Variants in SLC35F4 observed in about 807,000 individuals in gnomAD.
The protein encoded by SLC35F4 is chromosome 14 open reading frame 36.
SLC35F4 carries 24 observed loss-of-function variants against 44.2 expected under a neutral mutation model. The ratio of observed to expected loss-of-function variants is 0.54; its 90% CI spans 0.39 to 0.76. The LOEUF is 0.76. Among genes scored for constraint, SLC35F4 ranks in the 30% least tolerant of loss-of-function variants. The pLI is 0.00. For missense variants in SLC35F4, 562 were observed against 586.1 expected (o/e 0.96, Z 0.42); for synonymous variants, 238 against 223.6 (o/e 1.06, Z -0.57).
chr14:57,642,209 T>C lies in SLC35F4; in HGVS notation c.104-48085A>G, dbSNP rs567322742. On this transcript the variant is annotated intron_variant, in intron 1 of 7. Coordinates refer to ENST00000556826, the MANE Select transcript of SLC35F4 (RefSeq NM_001306087.2). Reference sequence around the variant, plus strand: ...TAACCTTATCTAGACAAACTCCTAATTAACCGTGGTTGCAATCACCATTTC... The same window carrying C: ...TAACCTTATCTAGACAAACTCCTAACTAACCGTGGTTGCAATCACCATTTC... Among the ~76,000 whole-genome samples the C allele has an allele frequency of 2.0e-5, 3 of 152,092 alleles. No homozygotes were observed. The East Asian group carries it at 5.8e-4, about 29-fold the overall frequency.
At chr14:57,756,734 A>T (rs1272197331) in intron 1 of SLC35F4, among the ~76,000 whole-genome samples, 1 of 152,030 alleles carries the variant, frequency 6.6e-6, no homozygotes, top group Admixed American at 6.6e-5. Context: ...GGCTCCCTGC[A>T]GCCTTGACCT....
intron 1 of SLC35F4, among the ~76,000 whole-genome samples, chr14:57,756,947 T>A (rs1448861766): frequency 6.6e-6 from 1 of 152,046 alleles, no homozygotes; most frequent in Non-Finnish European, 1.5e-5. Context: ...CAGGCATGAG[T>A]CACCATACTC....
At chr14:57,737,594 G>T (rs1298393866) in intron 1 of SLC35F4, among the ~76,000 whole-genome samples, 1 of 152,192 alleles carries the variant, frequency 6.6e-6, no homozygotes, top group Non-Finnish European at 1.5e-5. Flanking sequence ...GTGGACGTAA[G>T]TACTCACCAA....
intron 1 of SLC35F4, among the ~76,000 whole-genome samples, chr14:57,880,153 C>T (rs1888502509): frequency 6.6e-6 from 1 of 152,010 alleles, no homozygotes; most frequent in African/African-American, 2.4e-5. Context: ...ACAGTTTCTA[C>T]AGTTTCCTCA....
chr14:57,797,209 A>G (rs1956696), intron 1 of SLC35F4, among the ~76,000 whole-genome samples: 76,241 of 152,078 alleles, frequency 0.5, 22,497 homozygotes, highest in African/African-American at 0.81. Context: ...CCCATGTTCC[A>G]TCACCTCTGC....
chr14:57,614,038 G>A (rs2071665296), intron 1 of SLC35F4, among the ~76,000 whole-genome samples: 1 of 152,188 alleles, frequency 6.6e-6, no homozygotes, highest in African/African-American at 2.4e-5. Context: ...ACCATAGGCA[G>A]TTTCTGACTT....
intron 2 of SLC35F4, among the ~76,000 whole-genome samples, chr14:57,591,279 G>A (rs2070163224): frequency 6.9e-6 from 1 of 145,358 alleles, no homozygotes; most frequent in Admixed American, 7.3e-5. Flanking sequence ...TGCCAGACAA[G>A]TACTTGTTGA....
chr14:57,951,849 T>G (rs1263444929), intron 1 of SLC35F4, among the ~76,000 whole-genome samples: 1 of 152,174 alleles, frequency 6.6e-6, no homozygotes, highest in East Asian at 1.9e-4. Context: ...GAGGCGGCTA[T>G]GGGCACAGCT....
chr14:57,666,475 A>T (rs563975371), intron 1 of SLC35F4, among the ~76,000 whole-genome samples: 3 of 152,184 alleles, frequency 2.0e-5, no homozygotes, highest in Admixed American at 6.5e-5. Flanking sequence ...TGAGTTGGGA[A>T]AAGAGTTCTT....
At chr14:57,579,160 A>G (rs2069043255) in intron 4 of SLC35F4, among the ~76,000 whole-genome samples, 1 of 152,208 alleles carries the variant, frequency 6.6e-6, no homozygotes, top group Non-Finnish European at 1.5e-5. Context: ...AGATAATCCA[A>G]TATGATGTCC....
intron 1 of SLC35F4, among the ~76,000 whole-genome samples, chr14:57,615,046 G>T (rs2071729026): frequency 1.3e-5 from 2 of 152,188 alleles, no homozygotes; most frequent in South Asian, 4.1e-4. Context: ...GAAAATTTCA[G>T]TCTAAACTTT....
intron 1 of SLC35F4, among the ~76,000 whole-genome samples, chr14:57,952,507 T>A (rs1201120420): frequency 6.6e-6 from 1 of 152,044 alleles, no homozygotes; most frequent in East Asian, 1.9e-4. Context: ...AAGGAGCATG[T>A]TCTAACCCAT....
intron 1 of SLC35F4, among the ~76,000 whole-genome samples, chr14:57,738,145 T>C (rs922412396): frequency 4.6e-5 from 7 of 152,176 alleles, no homozygotes; most frequent in African/African-American, 1.7e-4. Context: ...ATCTCAGAGA[T>C]CATTAGGATT....
upstream of SLC35F4, among the ~76,000 whole-genome samples, chr14:57,982,547 C>T (rs915939527): frequency 6.6e-6 from 1 of 151,896 alleles, no homozygotes; most frequent in Non-Finnish European, 1.5e-5. Flanking sequence ...TGAGCAGAAG[C>T]AAAGGGCAGC....
intron 1 of SLC35F4, among the ~76,000 whole-genome samples, chr14:57,613,221 C>T (rs561721627): frequency 1.2e-3 from 185 of 152,292 alleles, no homozygotes; most frequent in Non-Finnish European, 1.3e-3. Context: ...GTCTGATTAG[C>T]AGGTGCATGG....
intron 1 of SLC35F4, among the ~76,000 whole-genome samples, chr14:57,872,307 T>G (rs1382679443): frequency 6.6e-6 from 1 of 152,142 alleles, no homozygotes; most frequent in Non-Finnish European, 1.5e-5. Flanking sequence ...TGCCCTGAAA[T>G]AATACAGAGG....
chr14:57,640,688 C>A (rs1314980714), intron 1 of SLC35F4, among the ~76,000 whole-genome samples: 2 of 152,054 alleles, frequency 1.3e-5, no homozygotes, highest in East Asian at 3.9e-4. Context: ...CAAGTATAGT[C>A]ACACAGAGCC....
At chr14:57,805,570 G>A (rs763053736) in intron 1 of SLC35F4, among the ~76,000 whole-genome samples, 19 of 152,152 alleles carry the variant, frequency 1.2e-4, no homozygotes, top group Non-Finnish European at 2.4e-4. Flanking sequence ...GCTGAATGAT[G>A]AGAACACATG....
At chr14:57,783,107 C>A (rs990861671) in intron 1 of SLC35F4, among the ~76,000 whole-genome samples, 1 of 152,042 alleles carries the variant, frequency 6.6e-6, no homozygotes, top group African/African-American at 2.4e-5. Flanking sequence ...ATTAAAAATG[C>A]TGCTTTTATG....
Sources: gnomAD v4.1 joint callset for allele counts (sites outside exome capture counted in the v4.1 genomes callset) on GRCh38, gnomAD v4.1.1 for gene constraint, MANE v1.5 for transcripts, NCBI Gene and HGNC (gene_info 2026-07-23, HGNC 2026-07-21) for gene names.